The following RARB variants were observed in gnomAD, a reference collection of about 807,000 sequenced individuals.
RARB encodes retinoic acid receptor beta.
A neutral mutation model predicts 51.9 loss-of-function variants in RARB; 17 were observed. The observed-to-expected ratio is 0.33, with a 90% CI of 0.22 to 0.49. The LOEUF (loss-of-function observed/expected upper bound fraction) is 0.49, where lower values mean the gene tolerates loss of function less well. Ranked by LOEUF, RARB falls within the 20% of genes least tolerant of loss-of-function variation. The pLI, the probability that RARB is intolerant of heterozygous loss-of-function variation, is 0.99. For missense variants in RARB, 369 were observed against 550.8 expected (o/e 0.67, Z 3.30); for synonymous variants, 215 against 195.4 (o/e 1.10, Z -0.84).
chr3:24,992,678 T>C (rs969999929), intron 2 of RARB, among the ~76,000 whole-genome samples: 3 of 151,996 alleles, frequency 2.0e-5, no homozygotes, highest in Non-Finnish European at 4.4e-5. Flanking sequence ...CCTTGGCTTA[T>C]AGATGGCCAT....
At chr3:25,264,366 T>C (rs1703076939) in intron 5 of RARB, among the ~76,000 whole-genome samples, 1 of 151,748 alleles carries the variant, frequency 6.6e-6, no homozygotes, top group Non-Finnish European at 1.5e-5. Context: ...GATCTACTAT[T>C]TTTTTTTATA....
chr3:24,954,044 CCTT>C (rs1695956008), intron 2 of RARB, among the ~76,000 whole-genome samples: 2 of 152,126 alleles, frequency 1.3e-5, no homozygotes, highest in Non-Finnish European at 2.9e-5. Context: ...CTCTCTTTCT[CCTT>C]ATTTTCCTGC....
intron 3 of RARB, among the ~76,000 whole-genome samples, chr3:25,079,745 A>G (rs1373402227): frequency 1.3e-5 from 2 of 152,200 alleles, no homozygotes; most frequent in Admixed American, 1.3e-4. Flanking sequence ...GTCATGAGGT[A>G]GTATCCTTTC....
At chr3:25,182,670 G>A (rs1700885561) in intron 5 of RARB, among the ~76,000 whole-genome samples, 1 of 152,142 alleles carries the variant, frequency 6.6e-6, no homozygotes, top group Non-Finnish European at 1.5e-5. Flanking sequence ...TGTGTGTGGT[G>A]TCAGGTTCTA....
At chr3:25,205,229 G>A (rs575617545) in intron 5 of RARB, among the ~76,000 whole-genome samples, 7 of 152,182 alleles carry the variant, frequency 4.6e-5, no homozygotes, top group South Asian at 4.1e-4. Flanking sequence ...TGAGCCAGGC[G>A]CGGGATATAA....
At chr3:25,056,383 T>G (rs941847073) in intron 2 of RARB, among the ~76,000 whole-genome samples, 2 of 152,156 alleles carry the variant, frequency 1.3e-5, no homozygotes, top group Non-Finnish European at 2.9e-5. Flanking sequence ...CTCAAAAGTA[T>G]ATTTTGTGAA....
intron 5 of RARB, among the ~76,000 whole-genome samples, chr3:25,209,818 C>G (rs957792243): frequency 1.3e-5 from 2 of 152,146 alleles, no homozygotes; most frequent in African/African-American, 4.8e-5. Context: ...GGTTAGTTGG[C>G]CTTCAGAATG....
intron 4 of RARB, among the ~76,000 whole-genome samples, chr3:25,152,864 G>A (rs1010114718): frequency 6.6e-6 from 1 of 152,146 alleles, no homozygotes; most frequent in Non-Finnish European, 1.5e-5. Flanking sequence ...AATAGGGTCA[G>A]GTGGAGCCAC....
At chr3:24,880,594 A>G (rs1703140116) in intron 2 of RARB, among the ~76,000 whole-genome samples, 1 of 152,160 alleles carries the variant, frequency 6.6e-6, no homozygotes, top group Non-Finnish European at 1.5e-5. Context: ...GTGAATACCC[A>G]TGAGAGTTCC....
intron 5 of RARB, among the ~76,000 whole-genome samples, chr3:25,322,358 C>A (rs954222043): frequency 3.3e-5 from 5 of 152,106 alleles, no homozygotes; most frequent in African/African-American, 1.2e-4. Flanking sequence ...CTATTTTATA[C>A]TTAGGGAGAG....
At chr3:24,834,784 T>C (rs1411458076) in intron 1 of RARB, among the ~76,000 whole-genome samples, 1 of 152,222 alleles carries the variant, frequency 6.6e-6, no homozygotes, top group African/African-American at 2.4e-5. Flanking sequence ...AAGAAGAATT[T>C]GTTCAATTGT....
Position 25,503,109 on chromosome 3 carries a change from A to T in RARB, c.448+1786A>T, listed in dbSNP as rs1575466644. 1.8e-5 allele frequency among the ~76,000 whole-genome samples: 2 copies of T among 109,906 alleles called. 1 individual carries two copies. Among genetic ancestry groups the T allele is most frequent in the South Asian group, 5.1e-4 (2 of 3,958 alleles). 72.1% of individuals were successfully genotyped at this position (109,906 alleles called of 152,430 possible). A position where few individuals can be genotyped will look rare whatever the true frequency, so the allele number is the denominator to read the frequency against. ...ATCTGCAGATCATGGGTCACTTTTCATCCAGTTCCTTTCCCTCTCTCCAAA... is the reference window on the plus strand; with the variant it reads ...ATCTGCAGATCATGGGTCACTTTTCTTCCAGTTCCTTTCCCTCTCTCCAAA... On this transcript the variant is annotated intron_variant, in intron 3 of 7. Coordinates refer to ENST00000330688, the MANE Select transcript of RARB (RefSeq NM_000965.5).
chr3:25,529,180 G>A (rs139174097), intron 3 of RARB, among the ~76,000 whole-genome samples: 55 of 152,068 alleles, frequency 3.6e-4, no homozygotes, highest in South Asian at 6.2e-4. Flanking sequence ...CATATACCTA[G>A]TGACCCAGAA....
At chr3:25,022,336 G>C (rs1207101544) in intron 2 of RARB, among the ~76,000 whole-genome samples, 1 of 152,122 alleles carries the variant, frequency 6.6e-6, no homozygotes, top group African/African-American at 2.4e-5. Flanking sequence ...CACATAGCTT[G>C]TGTTTTTTTG....
chr3:25,594,530 C>G lies in RARB; in HGVS notation c.1002C>G (p.Asp334Glu). Residue 334 changes from aspartate to glutamate, a missense_variant, in exon 7 of 8, where the codon GAC (aspartate) becomes GAG (glutamate). By Grantham distance (45) the Asp-to-Glu change is conservative. Coordinates refer to ENST00000330688, the MANE Select transcript of RARB (RefSeq NM_000965.5). ...AICLICGDRQDLEEPTKVDKL... is the reference protein window; with the variant it reads ...AICLICGDRQELEEPTKVDKL... Reference sequence around the variant, plus strand: ...ATTCCTGGTATCCAGACCGCCAGGACCTTGAGGAACCGACAAAAGTAGATA... The same window carrying G: ...ATTCCTGGTATCCAGACCGCCAGGAGCTTGAGGAACCGACAAAAGTAGATA... 6.2e-7 allele frequency: 1 copy of G among 1,609,260 alleles called. No homozygotes were observed. The highest frequency in any genetic ancestry group is 1.3e-5 in the African/African-American group (1 of 74,400).
chr3:25,004,063 A>G (rs1697219875), intron 2 of RARB, among the ~76,000 whole-genome samples: 6 of 152,138 alleles, frequency 3.9e-5, no homozygotes, highest in Non-Finnish European at 5.9e-5. Flanking sequence ...GAAGTCTAGT[A>G]CAAGTTCCTT....
At chr3:25,071,498 A>G (rs1258877691) in intron 3 of RARB, among the ~76,000 whole-genome samples, 1 of 152,206 alleles carries the variant, frequency 6.6e-6, no homozygotes, top group African/African-American at 2.4e-5. Flanking sequence ...TGTGTATGGC[A>G]TTCCTGCTTG....
chr3:25,562,299 G>A (rs1306519654), intron 3 of RARB, among the ~76,000 whole-genome samples: 3 of 151,984 alleles, frequency 2.0e-5, no homozygotes, highest in Non-Finnish European at 2.9e-5. Context: ...CAGTAAGTGT[G>A]TGAGTTTATT....
chr3:25,341,834 G>C (rs1351977225), intron 5 of RARB, among the ~76,000 whole-genome samples: 1 of 152,096 alleles, frequency 6.6e-6, no homozygotes, highest in Non-Finnish European at 1.5e-5. Context: ...AGAGGCCCTG[G>C]TTTCGTTGAG....
Sources: allele counts gnomAD v4.1 joint callset (sites outside exome capture counted in the v4.1 genomes callset), GRCh38; gene constraint gnomAD v4.1.1; transcripts MANE v1.5; gene names NCBI Gene and HGNC (gene_info 2026-07-23, HGNC 2026-07-21).